Variants in FAM20C observed in about 807,000 individuals in gnomAD.
The protein encoded by FAM20C is FAM20C golgi associated secretory pathway kinase, also known as extracellular serine/threonine protein kinase FAM20C.
A neutral mutation model predicts 51.5 loss-of-function variants in FAM20C; 40 were observed. The observed-to-expected ratio is 0.78, with a 90% CI of 0.60 to 1.01. The LOEUF (loss-of-function observed/expected upper bound fraction) is 1.01, where lower values mean the gene tolerates loss of function less well. Ranked by LOEUF, FAM20C falls within the 50% of genes least tolerant of loss-of-function variation. The pLI is 0.00. For synonymous variants in FAM20C, 406 were observed against 380.6 expected, an observed-to-expected ratio of 1.07 and a Z score of -0.78; for missense variants, 861 against 844.7, an observed-to-expected ratio of 1.02 and a Z score of -0.24.
chr7:195,238 T>A, intron 1 of FAM20C: 1 of 289,010 alleles, frequency 3.5e-6, no homozygotes, highest in Middle Eastern at 9.2e-4. Context: ...TCGGTGACCC[T>A]GGGACAGACG....
chr7:242,636 G>A, intron 3 of FAM20C, among the ~76,000 whole-genome samples: 1 of 152,174 alleles, frequency 6.6e-6, no homozygotes, highest in Non-Finnish European at 1.5e-5. Flanking sequence ...TCTCAGAGCT[G>A]CACTGCACAC....
At chr7:226,199 G>A (rs1268685395) in intron 3 of FAM20C, among the ~76,000 whole-genome samples, 1 of 152,160 alleles carries the variant, frequency 6.6e-6, no homozygotes, top group African/African-American at 2.4e-5. Flanking sequence ...TGGGCCCACT[G>A]CAGGCCGCCC....
intron 3 of FAM20C, among the ~76,000 whole-genome samples, chr7:231,756 G>A (rs28405775): frequency 0.014 from 2,088 of 152,270 alleles, 24 homozygotes; most frequent in Non-Finnish European, 0.02. Flanking sequence ...CAGCTCTTAC[G>A]GCCTCTCAGG....
Position 248,448 on chromosome 7 carries a change from C to T in FAM20C, c.1072+18C>T, listed in dbSNP as rs1051908097. ...CTCTCCAGGTAGCCTGGCACGGGGG[C>T]CCGCATTCATCTCTCCAGGTAGCCT... On this transcript the variant is annotated intron_variant, in intron 5 of 9. Transcript: ENST00000313766. The T allele has an allele frequency of 6.7e-7, 1 of 1,498,896 alleles. No homozygotes were observed. The highest frequency in any genetic ancestry group is 1.4e-5 in the African/African-American group (1 of 70,920). The allele number at this position is 1,498,896 out of a possible 1,614,324, so 92.8% of individuals were successfully genotyped here.
At chr7:235,184 C>T (rs1405001849) in intron 3 of FAM20C, among the ~76,000 whole-genome samples, 2 of 152,068 alleles carry the variant, frequency 1.3e-5, no homozygotes, top group Non-Finnish European at 2.9e-5. Flanking sequence ...ACTGTTTACA[C>T]TGAGCCCAGG....
intron 3 of FAM20C, among the ~76,000 whole-genome samples, chr7:212,048 G>A (rs182861466): frequency 6.6e-6 from 1 of 152,342 alleles, no homozygotes; most frequent in South Asian, 2.1e-4. Context: ...GATGACCTAT[G>A]GGGGCTGTGC....
chr7:243,932 A>T (rs1257973612), intron 3 of FAM20C, among the ~76,000 whole-genome samples: 27 of 119,100 alleles, frequency 2.3e-4, no homozygotes, highest in African/African-American at 3.4e-4. Context: ...TAATAATAAT[A>T]ATAATAATAA....
At chr7:213,093 T>C (rs1786796632) in intron 3 of FAM20C, among the ~76,000 whole-genome samples, 1 of 152,182 alleles carries the variant, frequency 6.6e-6, no homozygotes, top group Non-Finnish European at 1.5e-5. Flanking sequence ...GTGACACGTT[T>C]CCAAGGCTCT....
intron 7 of FAM20C, 77 bp from the exon 8 acceptor site, chr7:256,928 T>A: frequency 6.7e-7 from 1 of 1,487,368 alleles, no homozygotes; most frequent in Non-Finnish European, 9.1e-7. Context: ...GAGACGCCGC[T>A]CTGCAGAGCA....
chr7:244,947 GA>G (rs1208182780), intron 3 of FAM20C, among the ~76,000 whole-genome samples: 4 of 152,270 alleles, frequency 2.6e-5, no homozygotes, highest in Non-Finnish European at 5.9e-5. Flanking sequence ...AGCTTTCTGA[GA>G]ACAGCGTGGG....
At position 193,419 on chromosome 7, in the gene FAM20C, T is replaced by G. The variant is rs1034392427; in HGVS notation, c.220T>G (p.Ser74Ala). Residue 74 changes from serine (S) to alanine (A), a missense_variant, in exon 1 of 10, where the codon TCC becomes GCC. Physicochemically the swap from Ser to Ala is moderately conservative, Grantham distance 99 (BLOSUM62 1). Coordinates refer to ENST00000313766, the MANE Select transcript of FAM20C (RefSeq NM_020223.4). ...RGRPGEPPAA[S>A]SAAGDAGWPN... ...CCGCCCCGGGGAGCCCCCGGCCGCC[T>G]CCTCCGCCGCCGGCGACGCGGGCTG... The G allele has an allele frequency of 7.1e-6, 10 of 1,414,908 alleles. No individual in the cohort carries two copies. The highest frequency in any genetic ancestry group is 1.5e-5 in the South Asian group (1 of 68,788). 87.6% of individuals were successfully genotyped at this position (1,414,908 alleles called of 1,614,324 possible).
rs1785688045 is a variant in FAM20C, at chr7:193,533, C to G, written c.334C>G (p.Pro112Ala). Residue 112 changes from proline (P) to alanine (A), a missense_variant, in exon 1 of 10, where the codon CCC (proline) becomes GCC (alanine). Physicochemically the swap from Pro to Ala is conservative, Grantham distance 27. Transcript: ENST00000313766. Reference protein sequence around the residue: ...LSSHSLEKLPPAAEPAERALR... With the variant: ...LSSHSLEKLPAAAEPAERALR... ...GTCCCACTCGCTGGAGAAACTGCCG[C>G]CCGCGGCCGAGCCGGCCGAGCGCGC... is the stretch of plus-strand genomic sequence containing the variant. The G allele has an allele frequency of 3.3e-6, 5 of 1,496,220 alleles. No homozygotes were observed. In the South Asian group the frequency reaches 6.3e-5, roughly 19 times the overall value. 92.7% of individuals were successfully genotyped at this position (1,496,220 alleles called of 1,614,324 possible). A position where few individuals can be genotyped will look rare whatever the true frequency, so the allele number is the denominator to read the frequency against.
chr7:216,642 AGT>A (rs1188129467), intron 3 of FAM20C, among the ~76,000 whole-genome samples: 10 of 133,404 alleles, frequency 7.5e-5, no homozygotes, highest in African/African-American at 3.1e-4. Flanking sequence ...AGTGTGTGTG[AGT>A]GTGTGTGAGT....
At position 244,836 on chromosome 7, in the gene FAM20C, A is replaced by C. The variant is rs146813863; in HGVS notation, c.864-1579A>C. The stretch of plus-strand genomic sequence containing the variant: ...ATCGTGGAAAGTGGTCTGTTCTCAG[A>C]GTTTCTAGCAGCAGAGACTAGTTCT... On this transcript the variant is annotated intron_variant, in intron 3 of 9. Transcript: ENST00000313766. Among the ~76,000 whole-genome samples the C allele has an allele frequency of 2.3e-3, 350 of 152,350 alleles. 1 individual carries two copies. The highest frequency in any genetic ancestry group is 8.1e-3 in the African/African-American group (336 of 41,582).
intron 2 of FAM20C, among the ~76,000 whole-genome samples, chr7:198,877 G>T (rs543767768): frequency 6.6e-6 from 1 of 152,328 alleles, no homozygotes; most frequent in East Asian, 1.9e-4. Context: ...AGGTGCCTGA[G>T]CCTCATGAGG....
intron 3 of FAM20C, among the ~76,000 whole-genome samples, chr7:215,255 A>G (rs1583299136): frequency 8.8e-6 from 1 of 113,042 alleles, no homozygotes; most frequent in Non-Finnish European, 2.0e-5. Context: ...CCCCTGGTGT[A>G]TGGAGAGGAT....
At chr7:208,792 A>T in intron 2 of FAM20C, 106 bp from the exon 3 acceptor site, 1 of 1,143,438 alleles carries the variant, frequency 8.7e-7, no homozygotes, top group East Asian at 2.6e-5. Context: ...GGACCCCTGG[A>T]CCATGCCCAG....
At chr7:234,849 T>C (rs1787803263) in intron 3 of FAM20C, among the ~76,000 whole-genome samples, 1 of 152,080 alleles carries the variant, frequency 6.6e-6, no homozygotes, top group African/African-American at 2.4e-5. Flanking sequence ...TTCTCCGAGA[T>C]GAGTCCCGAG....
chr7:247,048 T>G (rs1788194660), intron 4 of FAM20C, among the ~76,000 whole-genome samples: 1 of 152,070 alleles, frequency 6.6e-6, no homozygotes, highest in African/African-American at 2.4e-5. Context: ...AGGGGGAGTA[T>G]TAAGTGCTGC....
Sources: allele counts gnomAD v4.1 joint callset (sites outside exome capture counted in the v4.1 genomes callset), GRCh38; gene constraint gnomAD v4.1.1; transcripts MANE v1.5; gene names NCBI Gene and HGNC (gene_info 2026-07-23, HGNC 2026-07-21).